Variants in MAGI2 observed in about 807,000 individuals in gnomAD.
MAGI2 encodes the protein membrane associated guanylate kinase, WW and PDZ domain containing 2.
MAGI2 carries 35 observed loss-of-function variants against 133.3 expected under a neutral mutation model. That is an observed-to-expected ratio of 0.26 (90% CI 0.20 to 0.35). MAGI2 has a LOEUF of 0.35. Among genes scored for constraint, MAGI2 ranks in the 10% least tolerant of loss-of-function variants. The pLI is 1.00. For missense variants in MAGI2, 1,636 were observed against 1,863.4 expected (o/e 0.88, Z 2.25); for synonymous variants, 729 against 710.6 (o/e 1.03, Z -0.41).
intron 9 of MAGI2, among the ~76,000 whole-genome samples, chr7:78,289,179 G>A (rs920644351): frequency 3.3e-5 from 5 of 152,020 alleles, no homozygotes; most frequent in Non-Finnish European, 5.9e-5. Context: ...GAGGATGTTC[G>A]AACCCATCGC....
At chr7:78,663,591 C>T (rs1456014939) in intron 2 of MAGI2, among the ~76,000 whole-genome samples, 2 of 152,152 alleles carry the variant, frequency 1.3e-5, no homozygotes, top group Admixed American at 1.3e-4. Flanking sequence ...TGACCACAAA[C>T]TATTTTCTAA....
At chr7:79,003,838 G>T (rs970880115) in intron 2 of MAGI2, among the ~76,000 whole-genome samples, 8 of 152,082 alleles carry the variant, frequency 5.3e-5, no homozygotes, top group African/African-American at 9.7e-5. Flanking sequence ...TGGCCAAAAG[G>T]TATATGAAAA....
chr7:79,035,633 AT>A (rs1360876286), intron 1 of MAGI2, among the ~76,000 whole-genome samples: 1 of 152,208 alleles, frequency 6.6e-6, no homozygotes, highest in Non-Finnish European at 1.5e-5. Context: ...TGATTATAAG[AT>A]TTTAAAATAT....
chr7:79,072,604 C>T (rs996999764), intron 1 of MAGI2, among the ~76,000 whole-genome samples: 1 of 151,858 alleles, frequency 6.6e-6, no homozygotes, highest in African/African-American at 2.4e-5. Context: ...AGACACTATT[C>T]AAAAAATCTG....
intron 2 of MAGI2, among the ~76,000 whole-genome samples, chr7:78,845,027 C>A (rs1399520995): frequency 6.6e-6 from 1 of 151,828 alleles, no homozygotes; most frequent in African/African-American, 2.4e-5. Flanking sequence ...AATGCTTTAA[C>A]CAAAGGAGCT....
intron 3 of MAGI2, among the ~76,000 whole-genome samples, chr7:78,626,552 A>T (rs576504101): frequency 6.6e-6 from 1 of 152,234 alleles, no homozygotes; most frequent in South Asian, 2.1e-4. Flanking sequence ...TTTTGGTTTC[A>T]TTTGCTGTTC....
At chr7:78,183,605 C>T (rs1259768090) in intron 13 of MAGI2, among the ~76,000 whole-genome samples, 2 of 151,300 alleles carry the variant, frequency 1.3e-5, no homozygotes, top group African/African-American at 4.9e-5. Context: ...TGCTTTGCTG[C>T]CCAAGCTAGA....
intron 3 of MAGI2, among the ~76,000 whole-genome samples, chr7:78,605,000 C>T (rs936769498): frequency 6.6e-5 from 10 of 152,140 alleles, no homozygotes; most frequent in African/African-American, 2.4e-4. Context: ...CATTTCCTTG[C>T]TCTCAGAGCA....
At chr7:78,691,532 G>T (rs9640732) in intron 2 of MAGI2, among the ~76,000 whole-genome samples, 53,817 of 152,060 alleles carry the variant, frequency 0.35, 10,443 homozygotes, top group Middle Eastern at 0.45. Flanking sequence ...TAAAGAGAAT[G>T]AAATCTAATG....
chr7:78,637,620 T>A (rs1282635429), intron 2 of MAGI2, among the ~76,000 whole-genome samples: 1 of 152,224 alleles, frequency 6.6e-6, no homozygotes, highest in African/African-American at 2.4e-5. Context: ...TTTACAACTA[T>A]ACTTATCAAA....
At chr7:78,591,182 T>A (rs1032419201) in intron 3 of MAGI2, among the ~76,000 whole-genome samples, 6 of 152,134 alleles carry the variant, frequency 3.9e-5, no homozygotes, top group Non-Finnish European at 7.4e-5. Context: ...TAGGAAATGC[T>A]TTGGGAGATT....
At chr7:78,839,238 T>C (rs1584100528) in intron 2 of MAGI2, among the ~76,000 whole-genome samples, 1 of 152,216 alleles carries the variant, frequency 6.6e-6, no homozygotes, top group East Asian at 1.9e-4. Context: ...AGAATTTAAA[T>C]GCAAATGATT....
chr7:78,833,970 C>T (rs971940563), intron 2 of MAGI2, among the ~76,000 whole-genome samples: 6 of 152,242 alleles, frequency 3.9e-5, no homozygotes, highest in East Asian at 1.9e-4. Context: ...ATTTTACTAA[C>T]GTGAAAGTCA....
rs1435611540 is a variant in MAGI2 at position 78,909,467 on chromosome 7, G to A, written c.418+97623C>T. On this transcript the variant is annotated intron_variant, in intron 2 of 21. Coordinates refer to ENST00000354212, the MANE Select transcript of MAGI2 (RefSeq NM_012301.4). ...AAACAAAAAAAATTAGCCAGGCGTG[G>A]TGGCAGGCGCCTGTACTTCCAGCTA... 2.0e-5 allele frequency among the ~76,000 whole-genome samples: 3 copies of A among 151,006 alleles called. No homozygotes were observed. In the East Asian group the frequency reaches 5.8e-4, roughly 29 times the overall value.
At chr7:78,285,692 T>G (rs764516030) in intron 9 of MAGI2, 4 of 152,192 alleles carry the variant, frequency 2.6e-5, no homozygotes, top group Non-Finnish European at 4.4e-5. Flanking sequence ...TAAAGTTGAA[T>G]GAGCTTATGA....
At chr7:78,472,385 C>A (rs1791301970) in intron 6 of MAGI2, among the ~76,000 whole-genome samples, 1 of 151,856 alleles carries the variant, frequency 6.6e-6, no homozygotes, top group East Asian at 1.9e-4. Context: ...CAAATGTAGA[C>A]AATAAATATT....
At chr7:79,165,717 TTAAA>T (rs1824840671) in intron 1 of MAGI2, among the ~76,000 whole-genome samples, 1 of 152,126 alleles carries the variant, frequency 6.6e-6, no homozygotes, top group Non-Finnish European at 1.5e-5. Flanking sequence ...AGTTTTCTTC[TTAAA>T]TAACACAATA....
intron 2 of MAGI2, among the ~76,000 whole-genome samples, chr7:78,980,975 T>C (rs989152484): frequency 6.6e-6 from 1 of 151,720 alleles, no homozygotes; most frequent in Admixed American, 6.6e-5. Flanking sequence ...TATTTCATAA[T>C]CTTCTTGTCT....
At chr7:78,904,586 C>T (rs1160881573) in intron 2 of MAGI2, among the ~76,000 whole-genome samples, 1 of 149,602 alleles carries the variant, frequency 6.7e-6, no homozygotes, top group African/African-American at 2.5e-5. Context: ...CACAGTGGCA[C>T]CTTCTCGGCT....
Sources: allele counts gnomAD v4.1 joint callset (sites outside exome capture counted in the v4.1 genomes callset), GRCh38; gene constraint gnomAD v4.1.1; transcripts MANE v1.5; gene names NCBI Gene and HGNC (gene_info 2026-07-23, HGNC 2026-07-21).